The following PPRC1 variants were observed in gnomAD, a reference collection of about 807,000 sequenced individuals.
PPRC1 encodes peroxisome proliferator-activated receptor gamma coactivator-related protein 1.
A neutral mutation model predicts 132.5 loss-of-function variants in PPRC1; 23 were observed. That is an observed-to-expected ratio of 0.17 (90% CI 0.12 to 0.25). The LOEUF (loss-of-function observed/expected upper bound fraction) is 0.25, where lower values mean the gene tolerates loss of function less well. Ranked by LOEUF, PPRC1 falls within the 10% of genes least tolerant of loss-of-function variation. PPRC1 has a pLI of 1.00. For synonymous variants in PPRC1, 872 were observed against 833.5 expected, an observed-to-expected ratio of 1.05 and a Z score of -0.80; for missense variants, 2,006 against 2,089.1, an observed-to-expected ratio of 0.96 and a Z score of 0.78.
chr10:102,149,071 C>T (rs2069397368), intron 12 of PPRC1, 107 bp from the exon 13 acceptor site: 13 of 1,525,114 alleles, frequency 8.5e-6, no homozygotes, highest in South Asian at 5.2e-5. Context: ...AGAGGGTTGG[C>T]CACTGGGAAT....
intron 1 of PPRC1, among the ~76,000 whole-genome samples, chr10:102,135,371 T>C (rs745357722): frequency 2.0e-5 from 3 of 152,222 alleles, no homozygotes; most frequent in South Asian, 4.2e-4. Flanking sequence ...TATATATATA[T>C]ATTTTGTTGT....
At chr10:102,144,002 G>A (rs2069112877) in intron 6 of PPRC1, among the ~76,000 whole-genome samples, 1 of 152,226 alleles carries the variant, frequency 6.6e-6, no homozygotes, top group East Asian at 1.9e-4. Context: ...TTGAACGCTA[G>A]GCTTATACAT....
chr10:102,121,294 C>T, the PPRC1 span, among the ~76,000 whole-genome samples: 2 of 152,158 alleles, frequency 1.3e-5, no homozygotes, highest in Non-Finnish European at 2.9e-5. Flanking sequence ...GTACCAACCG[C>T]CCAACCCCAC....
At chr10:102,135,385 G>A (rs188403452) in intron 1 of PPRC1, among the ~76,000 whole-genome samples, 2 of 152,226 alleles carry the variant, frequency 1.3e-5, no homozygotes, top group Admixed American at 1.3e-4. Flanking sequence ...TTGTTGTTTT[G>A]TTGTTGTTTT....
chr10:102,122,765 C>G, the PPRC1 span, among the ~76,000 whole-genome samples: 13 of 152,074 alleles, frequency 8.5e-5, 1 homozygote, highest in East Asian at 2.3e-3. Flanking sequence ...ATTTCCCTCT[C>G]CTAGATTACA....
the PPRC1 span, chr10:102,120,258 C>T: frequency 1.0e-6 from 1 of 983,180 alleles, no homozygotes; most frequent in Admixed American, 6.3e-5. Flanking sequence ...GCGGGCGGCC[C>T]CTGGCTGCGG....
chr10:102,127,020 CATATATAT>C, the PPRC1 span, among the ~76,000 whole-genome samples: 1,727 of 87,498 alleles, frequency 0.02, 30 homozygotes, highest in African/African-American at 0.033. Context: ...GGTTTTTTAT[CATATATAT>C]ATATATATAT....
Position 102,133,153 on chromosome 10 carries a change from G to A in PPRC1, c.85G>A (p.Gly29Ser). 7.9e-7 allele frequency: 1 copy of A among 1,261,850 alleles called. No homozygotes were observed. The highest frequency in any genetic ancestry group is 1.5e-5 in the African/African-American group (1 of 65,316). The allele number at this position is 1,261,850 out of a possible 1,614,324, so 78.2% of individuals were successfully genotyped here. ...TCCGGACCCTGGCGGGGGAGCCCGC[G>A]GCAGTGGTTGGGGAAGTCGAAGCCA... is the stretch of plus-strand genomic sequence containing the variant. ...PGPDPGGGAR[G>S]SGWGSRSQAP... The change falls in exon 1 of 14, where the codon GGC (glycine) becomes AGC (serine). Residue 29 changes from glycine (G) to serine (S), a missense_variant. Gly to Ser is a moderately conservative substitution (Grantham distance 56). Transcript: ENST00000278070.
chr10:102,133,716 C>T lies in PPRC1; in HGVS notation c.153+495C>T, dbSNP rs1200919154. Among the ~76,000 whole-genome samples, 10 of 151,594 alleles carry T rather than the reference C, an allele frequency of 6.6e-5. No homozygotes were observed. In the South Asian group the frequency reaches 1.9e-3, roughly 28 times the overall value. Reference sequence around the variant, plus strand: ...CGTGGGGGCGGGGAAGGAACGTCCACGTGGCTCCCGTCCCAGGCTGTCGGG... The same window carrying T: ...CGTGGGGGCGGGGAAGGAACGTCCATGTGGCTCCCGTCCCAGGCTGTCGGG... On this transcript the variant is annotated intron_variant, in intron 1 of 13. Coordinates refer to ENST00000278070, the MANE Select transcript of PPRC1 (RefSeq NM_015062.5).
At chr10:102,120,069 C>T in the PPRC1 span, 1 of 1,436,180 alleles carries the variant, frequency 7.0e-7, no homozygotes. Context: ...GGCCGAGTGG[C>T]CGCACGCCCC....
chr10:102,130,153 A>G (rs904407302), upstream of PPRC1, among the ~76,000 whole-genome samples: 7 of 152,174 alleles, frequency 4.6e-5, 1 homozygote, highest in African/African-American at 1.7e-4. Context: ...GCTGTGGCTC[A>G]TGCCTGTAAT....
upstream of PPRC1, among the ~76,000 whole-genome samples, chr10:102,128,750 C>T (rs1177176257): frequency 6.7e-6 from 1 of 148,592 alleles, no homozygotes. Context: ...GAGTAGCTGG[C>T]ACTACAGGCA....
Position 102,148,304 on chromosome 10 carries a change from C to T in PPRC1, c.4401-68C>T. 1 of 1,544,800 alleles carries T rather than the reference C, an allele frequency of 6.5e-7. No individual in the cohort carries two copies. Among genetic ancestry groups the T allele is most frequent in the Non-Finnish European group, 8.8e-7 (1 of 1,135,574 alleles). ...TCCTAAAAGAAAGGCAGGACTGGGG[C>T]CTGGGTGAGATAAGCAGAGTATACC... is the stretch of plus-strand genomic sequence containing the variant. On this transcript the variant is annotated intron_variant, in intron 9 of 13. Transcript: ENST00000278070. The surrounding 1 kb of genome is among the most constrained non-coding windows in gnomAD (Gnocchi z 4.2).
intron 1 of PPRC1, among the ~76,000 whole-genome samples, chr10:102,134,301 T>C (rs2068640363): frequency 6.6e-6 from 1 of 151,932 alleles, no homozygotes; most frequent in South Asian, 2.1e-4. Flanking sequence ...TTGCTGGGGA[T>C]GGGAAAAGTT....
intron 1 of PPRC1, among the ~76,000 whole-genome samples, chr10:102,137,577 T>C (rs1352226538): frequency 6.6e-6 from 1 of 152,184 alleles, no homozygotes; most frequent in Non-Finnish European, 1.5e-5. Context: ...ATTTTCCTGA[T>C]GTTTTTACTC....
At chr10:102,144,223 C>G (rs2069121450) in intron 6 of PPRC1, 27 bp from the exon 7 acceptor site, 6 of 1,612,964 alleles carry the variant, frequency 3.7e-6, no homozygotes, top group Non-Finnish European at 5.1e-6. Context: ...TCTGGTTGGG[C>G]TTTTAACTAG....
At position 102,140,335 on chromosome 10, in the gene PPRC1, T is replaced by G. The variant is rs938982455; in HGVS notation, c.1827T>G (p.Pro609=). The G allele has an allele frequency of 8.7e-6, 14 of 1,614,080 alleles. No homozygotes were observed. Among genetic ancestry groups the G allele is most frequent in the Non-Finnish European group, 1.2e-5 (14 of 1,180,036 alleles). The change falls in exon 5 of 14, where the codon CCT becomes CCG. Residue 609 remains proline (P), a synonymous_variant. Transcript: ENST00000278070. ...TAGCTGGCCCTGTACCTGTTGACCC[T>G]GGGTTGGTTGACCTTGCTTCAACCA... ...PVLAGPVPVD[P]GLVDLASTSS... is the part of the protein sequence containing the mutation.
Position 102,141,346 on chromosome 10 carries a change from G to T in PPRC1, c.2838G>T (p.Val946=), listed in dbSNP as rs779088889. ...CCCCCCCACCAACGGTGCCCCTAGT[G>T]TCTGGTACTCCTGGTGCCTATGCCG... ...CLPPPPTVPL[V]SGTPGAYAVP... Residue 946 remains valine, a synonymous_variant, in exon 5 of 14, where the codon GTG becomes GTT. Transcript: ENST00000278070. 9 of 1,614,052 alleles carry T rather than the reference G, an allele frequency of 5.6e-6. No homozygotes were observed. The highest frequency in any genetic ancestry group is 7.6e-6 in the Non-Finnish European group (9 of 1,179,998).
At chr10:102,142,089 C>T in intron 5 of PPRC1, 85 bp downstream of exon 5, 2 of 1,441,796 alleles carry the variant, frequency 1.4e-6, no homozygotes, top group Admixed American at 4.6e-5. Flanking sequence ...TGAGGCTGGC[C>T]TTTGTTGGAT....
Sources: gnomAD v4.1 joint callset for allele counts (sites outside exome capture counted in the v4.1 genomes callset) on GRCh38, gnomAD v4.1.1 for gene constraint, Gnocchi (gnomAD v3.1) non-coding constraint, MANE v1.5 for transcripts, NCBI Gene and HGNC (gene_info 2026-07-23, HGNC 2026-07-21) for gene names.